The following RPH3A variants were observed in gnomAD, a reference collection of about 807,000 sequenced individuals.
RPH3A encodes rabphilin 3A.
A neutral mutation model predicts 102.2 loss-of-function variants in RPH3A; 48 were observed. The observed-to-expected ratio is 0.47, with a 90% CI of 0.37 to 0.60. The LOEUF (loss-of-function observed/expected upper bound fraction) is 0.60, where lower values mean the gene tolerates loss of function less well. RPH3A is among the 20% of genes least tolerant of loss of function. The probability of loss-of-function intolerance (pLI) is 0.00; values close to 1 mark genes in which losing one functional copy is unlikely to be tolerated. For synonymous variants in RPH3A, 310 were observed against 324.3 expected, an observed-to-expected ratio of 0.96 and a Z score of 0.47; for missense variants, 781 against 910.1, an observed-to-expected ratio of 0.86 and a Z score of 1.83.
chr12:112,588,479 A>C (rs1443338230), intron 1 of RPH3A, among the ~76,000 whole-genome samples: 1 of 152,170 alleles, frequency 6.6e-6, no homozygotes, highest in Non-Finnish European at 1.5e-5. Flanking sequence ...GCATGGGAAA[A>C]AACCTGCTCC....
chr12:112,789,990 T>A (rs1192326809), upstream of RPH3A, among the ~76,000 whole-genome samples: 1 of 151,828 alleles, frequency 6.6e-6, no homozygotes, highest in Non-Finnish European at 1.5e-5. Context: ...GCCCAGGAGT[T>A]CAAGGTTTCA....
intron 5 of RPH3A, among the ~76,000 whole-genome samples, chr12:112,850,608 C>T (rs1045740799): frequency 6.6e-6 from 1 of 152,178 alleles, no homozygotes; most frequent in Non-Finnish European, 1.5e-5. Flanking sequence ...TGCAGCCAGC[C>T]CTTGCTGGTA....
intron 1 of RPH3A, among the ~76,000 whole-genome samples, chr12:112,674,667 T>C (rs2040160496): frequency 1.3e-5 from 2 of 152,096 alleles, no homozygotes; most frequent in Admixed American, 6.5e-5. Flanking sequence ...AGTGCATAGA[T>C]TTGTTATCTG....
At chr12:112,866,359 C>A (rs1000182309) in intron 6 of RPH3A, among the ~76,000 whole-genome samples, 2 of 152,108 alleles carry the variant, frequency 1.3e-5, no homozygotes, top group African/African-American at 2.4e-5. Context: ...TAACTTTCTT[C>A]TCCTTGGGGA....
At position 112,690,888 on chromosome 12, in the gene RPH3A, G is replaced by GC. The variant is rs1566260709; in HGVS notation, c.-139-101255_-139-101254insC. ...TGACTCTCTTCATTCCAAAAGCATG[G>GC]GGGGGATACTTGAAGGGGCAGGAAA... On this transcript the variant is annotated intron_variant, in intron 1 of 21. Transcript: ENST00000543106. 3.3e-5 allele frequency among the ~76,000 whole-genome samples: 5 copies of GC among 150,150 alleles called. No individual in the cohort carries two copies. The South Asian group carries it at 1.0e-3, about 31-fold the overall frequency.
At chr12:112,648,723 T>TG (rs1405471664) in intron 1 of RPH3A, among the ~76,000 whole-genome samples, 1 of 128,700 alleles carries the variant, frequency 7.8e-6, no homozygotes, top group Non-Finnish European at 1.6e-5. Context: ...CTAGCCTGGG[T>TG]GACAGAGCAA....
rs1565882420 is a variant in RPH3A, at chr12:112,791,895, A to AGAGAGAGAGAGAGAGAGAGAGAGAGAGG, written c.-247_-246insGAGAGAGAGAGAGAGAGGGAGAGAGAGA. The AGAGAGAGAGAGAGAGAGAGAGAGAGAGG allele has an allele frequency of 2.0e-5, 3 of 150,702 alleles. No homozygotes were observed. Among genetic ancestry groups the AGAGAGAGAGAGAGAGAGAGAGAGAGAGG allele is most frequent in the East Asian group, 1.9e-4 (1 of 5,134 alleles). 9.3% of individuals were successfully genotyped at this position (150,702 alleles called of 1,614,324 possible). A position where few individuals can be genotyped will look rare whatever the true frequency, so the allele number is the denominator to read the frequency against. On this transcript the variant is annotated 5_prime_UTR_variant, in exon 1 of 22. Coordinates refer to ENST00000389385, the MANE Select transcript of RPH3A (RefSeq NM_001143854.2). ...GAGAGAGAGAGAGAGAGAGAGAGAGAGAGAGAGAGACTCACAGAGCTAAAA... is the reference window on the plus strand; with the variant it reads ...GAGAGAGAGAGAGAGAGAGAGAGAGAGAGAGAGAGAGAGAGAGAGAGAGAGAGGGAGAGAGAGACTCACAGAGCTAAAA...
chr12:112,847,877 G>C (rs753910316), intron 5 of RPH3A, 35 bp downstream of exon 5: 1 of 1,606,526 alleles, frequency 6.2e-7, no homozygotes, highest in South Asian at 1.1e-5. Flanking sequence ...CCCCAGAGCT[G>C]CTGTGGCAGG....
At chr12:112,843,396 G>T (rs796716245) in intron 4 of RPH3A, among the ~76,000 whole-genome samples, 79 of 152,296 alleles carry the variant, frequency 5.2e-4, no homozygotes, top group African/African-American at 1.9e-3. Context: ...GTGTTCTGGA[G>T]CAGAGGATGG....
chr12:112,740,071 G>A (rs1159763627), intron 1 of RPH3A, among the ~76,000 whole-genome samples: 3 of 151,988 alleles, frequency 2.0e-5, no homozygotes, highest in Non-Finnish European at 2.9e-5. Context: ...TCTCTCTGTC[G>A]TAAATACTTG....
At chr12:112,702,498 G>A (rs1233939942) in intron 1 of RPH3A, among the ~76,000 whole-genome samples, 1 of 152,228 alleles carries the variant, frequency 6.6e-6, no homozygotes, top group Non-Finnish European at 1.5e-5. Context: ...CATAGATGAA[G>A]ACATTGATGC....
chr12:112,735,017 G>A (rs1217642446), intron 1 of RPH3A, among the ~76,000 whole-genome samples: 1 of 152,126 alleles, frequency 6.6e-6, no homozygotes, highest in Non-Finnish European at 1.5e-5. Flanking sequence ...CAGCTTAGTA[G>A]GTCTCAACCT....
intron 2 of RPH3A, among the ~76,000 whole-genome samples, chr12:112,795,877 C>T (rs553291149): frequency 1.3e-5 from 2 of 152,272 alleles, no homozygotes; most frequent in East Asian, 1.9e-4. Context: ...AACAAATGTT[C>T]GCAATCGGGG....
chr12:112,609,880 A>G (rs890968110), intron 1 of RPH3A, among the ~76,000 whole-genome samples: 4 of 152,338 alleles, frequency 2.6e-5, no homozygotes, highest in Admixed American at 2.6e-4. Context: ...GTGACAGAGC[A>G]GCTAACGTAG....
chr12:112,701,879 G>T (rs2040397366), intron 1 of RPH3A, among the ~76,000 whole-genome samples: 1 of 152,210 alleles, frequency 6.6e-6, no homozygotes, highest in Non-Finnish European at 1.5e-5. Flanking sequence ...CTGAAATTAT[G>T]ATTTGAAATA....
intron 2 of RPH3A, among the ~76,000 whole-genome samples, chr12:112,796,951 A>G (rs1158980824): frequency 6.6e-6 from 1 of 152,148 alleles, no homozygotes; most frequent in Non-Finnish European, 1.5e-5. Flanking sequence ...TTGGGTGGCT[A>G]AGGCAGGAGA....
chr12:112,710,293 C>T (rs576075615), intron 1 of RPH3A, among the ~76,000 whole-genome samples: 3 of 152,206 alleles, frequency 2.0e-5, no homozygotes, highest in South Asian at 2.1e-4. Flanking sequence ...CTTTCTTGAC[C>T]GTAGTTTCAG....
Position 112,746,345 on chromosome 12 carries a change from T to C in RPH3A, c.-139-45798T>C, listed in dbSNP as rs189958851. On this transcript the variant is annotated intron_variant, in intron 1 of 21. Coordinates refer to the RPH3A transcript ENST00000543106. ...GTCAGAGGAGGGACGTACATGCTCATGTGACAAATGAAGAAGCAGAGGTAC... is the reference window on the plus strand; with the variant it reads ...GTCAGAGGAGGGACGTACATGCTCACGTGACAAATGAAGAAGCAGAGGTAC... Among the ~76,000 whole-genome samples, 579 of 152,182 alleles carry C rather than the reference T, an allele frequency of 3.8e-3. 8 individuals are homozygous for C. The highest frequency in any genetic ancestry group is 9.1e-3 in the African/African-American group (379 of 41,512).
chr12:112,801,424 C>A (rs2041351389), intron 2 of RPH3A, among the ~76,000 whole-genome samples: 1 of 152,196 alleles, frequency 6.6e-6, no homozygotes, highest in South Asian at 2.1e-4. Context: ...AAGGGTTTAT[C>A]TGACTGGGCA....
Sources: allele counts gnomAD v4.1 joint callset (sites outside exome capture counted in the v4.1 genomes callset), GRCh38; gene constraint gnomAD v4.1.1; transcripts MANE v1.5; gene names NCBI Gene and HGNC (gene_info 2026-07-23, HGNC 2026-07-21).